The following MYO9A variants were observed in gnomAD, a reference collection of about 807,000 sequenced individuals.
MYO9A encodes the protein myosin IXA, also known as unconventional myosin-IXa.
A neutral mutation model predicts 293.3 loss-of-function variants in MYO9A; 103 were observed. The ratio of observed to expected loss-of-function variants is 0.35; its 90% CI spans 0.30 to 0.41. The LOEUF is 0.41. Ranked by LOEUF, MYO9A falls within the 10% of genes least tolerant of loss-of-function variation. The pLI is 1.00. For missense variants in MYO9A, 2,685 were observed against 3,033.0 expected (o/e 0.89, Z 2.69); for synonymous variants, 1,001 against 1,035.7 (o/e 0.97, Z 0.64).
At chr15:71,971,323 A>G (rs941064764) in intron 12 of MYO9A, among the ~76,000 whole-genome samples, 7 of 152,070 alleles carry the variant, frequency 4.6e-5, no homozygotes, top group African/African-American at 1.2e-4. Context: ...AGTGATTCTC[A>G]TATGTAATCC....
chr15:72,023,230 A>G (rs2077557026), intron 4 of MYO9A, among the ~76,000 whole-genome samples: 3 of 152,238 alleles, frequency 2.0e-5, no homozygotes, highest in African/African-American at 7.2e-5. Flanking sequence ...GAAAAAATCA[A>G]CAAACATGAA....
At chr15:72,069,856 G>A (rs925703031) in intron 1 of MYO9A, among the ~76,000 whole-genome samples, 11 of 151,944 alleles carry the variant, frequency 7.2e-5, no homozygotes, top group African/African-American at 2.2e-4. Flanking sequence ...GGTGGCTCAC[G>A]CCTGTAATCC....
Position 72,007,846 on chromosome 15 carries a change from T to A in MYO9A, c.1360A>T (p.Ile454Phe). ...IDICNPEVLP[I>F]VSELLEVKEE... The stretch of plus-strand genomic sequence containing the variant: ...CTCACCTCTAATAATTCTGAGACAA[T>A]AGGCAGAACTTCAGGATTACAGATA... Residue 454 changes from isoleucine (I) to phenylalanine (F), a missense_variant, in exon 8 of 42, where the codon ATT becomes TTT. Around this residue, in one of 10 missense-constraint regions of MYO9A, gnomAD observed 289 missense variants for 456.8 expected, o/e 0.63. Coordinates refer to ENST00000356056, the MANE Select transcript of MYO9A (RefSeq NM_006901.4). The A allele has an allele frequency of 6.2e-7, 1 of 1,611,952 alleles. No individual in the cohort carries two copies. The highest frequency in any genetic ancestry group is 8.5e-7 in the Non-Finnish European group (1 of 1,179,324).
At chr15:72,047,748 T>G (rs562983812) in intron 1 of MYO9A, among the ~76,000 whole-genome samples, 63 of 143,938 alleles carry the variant, frequency 4.4e-4, no homozygotes, top group South Asian at 8.9e-4. Flanking sequence ...AAAAAAATAA[T>G]AAGAAGAAAT....
At chr15:71,982,966 C>T (rs1293406126) in intron 11 of MYO9A, among the ~76,000 whole-genome samples, 2 of 152,142 alleles carry the variant, frequency 1.3e-5, no homozygotes, top group East Asian at 3.9e-4. Context: ...GCTACAACTG[C>T]TTTTTTTCTT....
At chr15:71,924,311 G>A (rs945456772) in intron 18 of MYO9A, among the ~76,000 whole-genome samples, 19 of 151,840 alleles carry the variant, frequency 1.3e-4, no homozygotes, top group Non-Finnish European at 2.2e-4. Flanking sequence ...GCGTGATCTC[G>A]GCTCACTGCA....
rs1033851824 is a variant in MYO9A, at chr15:72,118,131, A to T, written c.-523T>A. 1.1e-5 allele frequency: 4 copies of T among 378,250 alleles called. No homozygotes were observed. Among genetic ancestry groups the T allele is most frequent in the Non-Finnish European group, 1.9e-5 (4 of 213,698 alleles). 23.4% of individuals were successfully genotyped at this position (378,250 alleles called of 1,614,324 possible). On this transcript the variant is annotated 5_prime_UTR_variant, in exon 1 of 42. Transcript: ENST00000356056. ...CCGCCCCGCGCGACTCCCCGGCTGC[A>T]GGCGAGCAGGCGCGCGCGCACTTAC...
intron 4 of MYO9A, among the ~76,000 whole-genome samples, chr15:72,025,775 A>C (rs1463206405): frequency 2.0e-5 from 3 of 152,182 alleles, no homozygotes; most frequent in Non-Finnish European, 4.4e-5. Context: ...GAAAAAGAGG[A>C]CTTCAAAATT....
chr15:72,043,702 G>A (rs150727163), intron 2 of MYO9A, among the ~76,000 whole-genome samples: 22 of 152,246 alleles, frequency 1.4e-4, no homozygotes, highest in Middle Eastern at 3.4e-3. Context: ...TGAGAGGAGC[G>A]TGAAAGAGGG....
intron 34 of MYO9A, among the ~76,000 whole-genome samples, chr15:71,855,149 C>A (rs2055814246): frequency 1.3e-5 from 2 of 152,114 alleles, no homozygotes; most frequent in Non-Finnish European, 2.9e-5. Context: ...TTCATTCATT[C>A]ATTTGAGACA....
At chr15:72,081,715 T>G (rs1016080000) in intron 1 of MYO9A, among the ~76,000 whole-genome samples, 6 of 152,220 alleles carry the variant, frequency 3.9e-5, no homozygotes, top group African/African-American at 1.4e-4. Context: ...GAGTTAATTT[T>G]TGTACACGGT....
At chr15:72,047,264 G>C (rs956359291) in intron 1 of MYO9A, among the ~76,000 whole-genome samples, 1 of 152,170 alleles carries the variant, frequency 6.6e-6, no homozygotes. Flanking sequence ...AGTGACAAAA[G>C]AATCCTGCCC....
At chr15:71,981,813 A>G (rs2076279865) in intron 11 of MYO9A, among the ~76,000 whole-genome samples, 1 of 151,556 alleles carries the variant, frequency 6.6e-6, no homozygotes, top group South Asian at 2.1e-4. Flanking sequence ...CATTTTCTCT[A>G]CTTTCCTCTG....
chr15:71,862,662 G>T, intron 32 of MYO9A, 51 bp from the exon 33 acceptor site: 2 of 1,220,900 alleles, frequency 1.6e-6, no homozygotes, highest in Non-Finnish European at 2.4e-6. Context: ...AGTAAATGCT[G>T]CCCTAACGTG....
intron 19 of MYO9A, among the ~76,000 whole-genome samples, chr15:71,911,858 G>A (rs2057861540): frequency 6.6e-6 from 1 of 152,186 alleles, no homozygotes; most frequent in Non-Finnish European, 1.5e-5. Flanking sequence ...GAATGTTTTA[G>A]AGTATAGTGA....
Position 71,898,568 on chromosome 15 carries a change from G to A in MYO9A, c.3935C>T (p.Pro1312Leu). The stretch of plus-strand genomic sequence containing the variant: ...ACCCCGTGGAGACTGAAGGCCTTCA[G>A]GCACCAATTCTGTAGACCATCTGCG... ...EDRRWSTELV[P>L]EGLQSPRGTP... Residue 1312 changes from proline to leucine, a missense_variant, in exon 25 of 42, where the codon CCT (proline) becomes CTT (leucine). Transcript: ENST00000356056. 6.2e-7 allele frequency: 1 copy of A among 1,614,030 alleles called. No individual in the cohort carries two copies. Among genetic ancestry groups the A allele is most frequent in the Non-Finnish European group, 8.5e-7 (1 of 1,180,028 alleles).
chr15:72,030,260 T>C (rs1374470905), intron 3 of MYO9A, among the ~76,000 whole-genome samples: 1 of 152,226 alleles, frequency 6.6e-6, no homozygotes, highest in Non-Finnish European at 1.5e-5. Context: ...CCACCTTGCG[T>C]GGCAAATATT....
At chr15:71,959,613 T>G in intron 14 of MYO9A, 1 of 240,194 alleles carries the variant, frequency 4.2e-6, no homozygotes, top group Non-Finnish European at 8.0e-6. Flanking sequence ...TTTCAAAGTT[T>G]TTAAAAATCC....
chr15:72,037,448 T>C (rs2078088882), intron 2 of MYO9A, among the ~76,000 whole-genome samples: 1 of 152,070 alleles, frequency 6.6e-6, no homozygotes, highest in Non-Finnish European at 1.5e-5. Flanking sequence ...TGTTTTGAAC[T>C]TGAGGTTCTT....
Sources: gnomAD v4.1 joint callset for allele counts (sites outside exome capture counted in the v4.1 genomes callset) on GRCh38, gnomAD v4.1.1 for gene constraint, gnomAD v4.1.1 regional missense constraint, MANE v1.5 for transcripts, NCBI Gene and HGNC (gene_info 2026-07-23, HGNC 2026-07-21) for gene names.